Variants in LDLRAD4 observed in about 807,000 individuals in gnomAD.
LDLRAD4 encodes the protein low density lipoprotein receptor class A domain containing 4, also known as low-density lipoprotein receptor class A domain-containing protein 4.
Under a neutral mutation model 17.0 loss-of-function variants are expected in LDLRAD4, and 5 were observed. That is an observed-to-expected ratio of 0.29 (90% CI 0.15 to 0.62). The LOEUF (loss-of-function observed/expected upper bound fraction) is 0.62, where lower values mean the gene tolerates loss of function less well. LDLRAD4 is among the 20% of genes least tolerant of loss of function. The pLI is 0.84. For missense variants in LDLRAD4, 340 were observed against 424.7 expected (o/e 0.80, Z 1.75); for synonymous variants, 168 against 171.8 (o/e 0.98, Z 0.17).
At chr18:13,569,330 G>A (rs1403000990) in intron 3 of LDLRAD4, among the ~76,000 whole-genome samples, 1 of 152,092 alleles carries the variant, frequency 6.6e-6, no homozygotes, top group Non-Finnish European at 1.5e-5. Context: ...GCTATCTGGG[G>A]AATAAAACAC....
intron 1 of LDLRAD4, among the ~76,000 whole-genome samples, chr18:13,227,471 C>T (rs2041868234): frequency 6.6e-6 from 1 of 152,184 alleles, no homozygotes; most frequent in South Asian, 2.1e-4. Flanking sequence ...TGCTCACCTG[C>T]TCTTTGGTGT....
chr18:13,236,555 A>G (rs1033390070), intron 1 of LDLRAD4: 5 of 152,236 alleles, frequency 3.3e-5, no homozygotes, highest in African/African-American at 9.7e-5. Context: ...CCCTCAGGTG[A>G]TCCGCCCTCC....
At chr18:13,518,360 T>C (rs2093901962) in intron 3 of LDLRAD4, among the ~76,000 whole-genome samples, 1 of 152,270 alleles carries the variant, frequency 6.6e-6, no homozygotes, top group Non-Finnish European at 1.5e-5. Context: ...TCTTGTATTA[T>C]ATTCTTCATT....
intron 5 of LDLRAD4, chr18:13,644,905 G>C (rs1018073384): frequency 1.8e-6 from 1 of 547,876 alleles, no homozygotes; most frequent in Non-Finnish European, 3.2e-6. Flanking sequence ...AGCCCTCCTG[G>C]ATGCGCTGGG....
chr18:13,622,409 C>A lies in LDLRAD4; in HGVS notation c.336+1138C>A, dbSNP rs1040313988. On this transcript the variant is annotated intron_variant, in intron 4 of 5. Transcript: ENST00000359446. The surrounding 1 kb of genome is among the most constrained non-coding windows in gnomAD (Gnocchi z 5.3). ...CCATGGTGAGGGCTAGACGGGGCAG[C>A]CTCGGGGAGGAGATGGGATGCCAGG... is the stretch of plus-strand genomic sequence containing the variant. Among the ~76,000 whole-genome samples, 4 of 152,154 alleles carry A rather than the reference C, an allele frequency of 2.6e-5. No individual in the cohort carries two copies. Among genetic ancestry groups the A allele is most frequent in the Non-Finnish European group, 5.9e-5 (4 of 68,026 alleles).
chr18:13,337,408 C>T (rs1396427380), intron 1 of LDLRAD4, among the ~76,000 whole-genome samples: 1 of 152,108 alleles, frequency 6.6e-6, no homozygotes, highest in African/African-American at 2.4e-5. Flanking sequence ...ATACCTGTCT[C>T]CTAGTTCCAT....
chr18:13,420,878 G>A (rs575476056), intron 2 of LDLRAD4: 6 of 152,354 alleles, frequency 3.9e-5, no homozygotes, highest in African/African-American at 1.4e-4. Flanking sequence ...AGGCACCTCA[G>A]GACTCAGCAT....
intron 3 of LDLRAD4, among the ~76,000 whole-genome samples, chr18:13,527,789 AC>A (rs144641113): frequency 0.012 from 1,776 of 152,224 alleles, 37 homozygotes; most frequent in African/African-American, 0.041. Context: ...GGACCTGGGG[AC>A]CTGCCTGAGT....
rs77833349 is a variant in LDLRAD4, at chr18:13,361,550, C to T, written c.-382-25791C>T. ...TGGCCTTAAGCCAGATTTCTGTTGT[C>T]CCATCTGCTGGAAGATGAGGATGTT... On this transcript the variant is annotated intron_variant, in intron 1 of 5. Coordinates refer to ENST00000359446, the Ensembl canonical transcript of LDLRAD4. Among the ~76,000 whole-genome samples, 396 of 152,294 alleles carry T rather than the reference C, an allele frequency of 2.6e-3. 3 individuals are homozygous for T. The highest frequency in any genetic ancestry group is 8.9e-3 in the African/African-American group (369 of 41,564).
chr18:13,313,784 G>T (rs1024585574), intron 1 of LDLRAD4, among the ~76,000 whole-genome samples: 7 of 152,008 alleles, frequency 4.6e-5, no homozygotes, highest in African/African-American at 1.7e-4. Flanking sequence ...TGCAAAACAT[G>T]TACCTGTGCC....
At chr18:13,459,543 C>T (rs911205904) in intron 3 of LDLRAD4, among the ~76,000 whole-genome samples, 20 of 151,872 alleles carry the variant, frequency 1.3e-4, no homozygotes, top group African/African-American at 3.9e-4. Flanking sequence ...CAACCACGCC[C>T]GGCTCATTTT....
At chr18:13,270,755 C>T (rs182313291) in intron 1 of LDLRAD4, among the ~76,000 whole-genome samples, 2 of 152,126 alleles carry the variant, frequency 1.3e-5, no homozygotes, top group Admixed American at 6.5e-5. Context: ...TCTGCAGGAG[C>T]GGAGACCACA....
At chr18:13,514,470 G>A (rs1481137560) in intron 3 of LDLRAD4, 4 of 152,154 alleles carry the variant, frequency 2.6e-5, no homozygotes, top group Non-Finnish European at 5.9e-5. Context: ...AATTGACCAT[G>A]GATATCCGAG....
intron 1 of LDLRAD4, among the ~76,000 whole-genome samples, chr18:13,291,874 G>A (rs747937233): frequency 1.3e-5 from 2 of 152,154 alleles, no homozygotes; most frequent in Non-Finnish European, 2.9e-5. Context: ...CCAGCATGGG[G>A]CGTTTTTCAT....
chr18:13,536,774 T>C (rs1042777993), intron 3 of LDLRAD4, among the ~76,000 whole-genome samples: 2 of 152,218 alleles, frequency 1.3e-5, no homozygotes, highest in Non-Finnish European at 2.9e-5. Context: ...GTAGGTACTT[T>C]TAATCAGATT....
intron 3 of LDLRAD4, among the ~76,000 whole-genome samples, chr18:13,541,735 G>C (rs1004236142): frequency 6.6e-6 from 1 of 152,218 alleles, no homozygotes; most frequent in Non-Finnish European, 1.5e-5. Flanking sequence ...CTGGTGTGAG[G>C]AGTTTAGCAC....
At chr18:13,383,923 T>G (rs1402287588) in intron 1 of LDLRAD4, among the ~76,000 whole-genome samples, 1 of 152,226 alleles carries the variant, frequency 6.6e-6, no homozygotes, top group Non-Finnish European at 1.5e-5. Flanking sequence ...TTACAGCATT[T>G]ATAATTGCAT....
At chr18:13,648,969 T>C (rs1024422077) in exon 6 of LDLRAD4, 5 of 152,232 alleles carry the variant, frequency 3.3e-5, no homozygotes, top group Admixed American at 2.6e-4. Flanking sequence ...AGTTCTTCTA[T>C]TTTTAGTGTC....
At chr18:13,612,661 G>A in intron 3 of LDLRAD4, 1 of 1,613,594 alleles carries the variant, frequency 6.2e-7, no homozygotes, top group Non-Finnish European at 8.5e-7. Context: ...TGAACGTGGG[G>A]GGGCTGCGTC....
Sources: allele counts gnomAD v4.1 joint callset (sites outside exome capture counted in the v4.1 genomes callset), GRCh38; gene constraint gnomAD v4.1.1; non-coding constraint Gnocchi (gnomAD v3.1); transcripts MANE v1.5; gene names NCBI Gene and HGNC (gene_info 2026-07-23, HGNC 2026-07-21).